Variants in MERTK observed in about 807,000 individuals in gnomAD.
The protein encoded by MERTK is tyrosine-protein kinase Mer.
A neutral mutation model predicts 99.3 loss-of-function variants in MERTK; 69 were observed. The ratio of observed to expected loss-of-function variants is 0.70; its 90% CI spans 0.57 to 0.85. The LOEUF is 0.85. Among genes scored for constraint, MERTK ranks in the 40% least tolerant of loss-of-function variants. The pLI is 0.00. For missense variants in MERTK, 1,125 were observed against 1,249.4 expected, an observed-to-expected ratio of 0.90 and a Z score of 1.50; for synonymous variants, 426 against 467.6, an observed-to-expected ratio of 0.91 and a Z score of 1.15.
chr2:111,968,845 C>T (rs1676015133), intron 6 of MERTK, among the ~76,000 whole-genome samples: 1 of 152,118 alleles, frequency 6.6e-6, no homozygotes, highest in South Asian at 2.1e-4. Context: ...AGGGAGAGTT[C>T]ATTTTTAAGG....
Position 111,898,670 on chromosome 2 carries a change from A to C in MERTK, c.-66A>C. 2.6e-6 allele frequency: 4 copies of C among 1,548,120 alleles called. No individual in the cohort carries two copies. The highest frequency in any genetic ancestry group is 3.5e-6 in the Non-Finnish European group (4 of 1,139,140). ...TTCGCTGGCGCGCTTGGCCGGCGAC[A>C]GGACAGGTTCGGGACGTCCATCTGT... On this transcript the variant is annotated 5_prime_UTR_variant, in exon 1 of 19. Transcript: ENST00000295408.
intron 13 of MERTK, among the ~76,000 whole-genome samples, chr2:112,006,151 G>T (rs1202404410): frequency 6.6e-6 from 1 of 152,118 alleles, no homozygotes; most frequent in Non-Finnish European, 1.5e-5. Flanking sequence ...CAAAGTGCTG[G>T]GATTACAGCC....
Position 112,007,258 on chromosome 2 carries a change from C to T in MERTK, c.1868-1125C>T, listed in dbSNP as rs1322862692. On this transcript the variant is annotated intron_variant, in intron 13 of 18. Coordinates refer to ENST00000295408, the MANE Select transcript of MERTK (RefSeq NM_006343.3). ...CAAACTCCGCCTCCCGGATTCAGGC[C>T]ATTCTCTTGCCTCAGCCTCACAAGT... Among the ~76,000 whole-genome samples the T allele has an allele frequency of 3.9e-5, 6 of 152,280 alleles. No individual in the cohort carries two copies. The East Asian group carries it at 1.2e-3, about 29-fold the overall frequency.
intron 15 of MERTK, among the ~76,000 whole-genome samples, chr2:112,017,403 G>T (rs150222441): frequency 1.2e-3 from 190 of 152,262 alleles, no homozygotes; most frequent in African/African-American, 4.5e-3. Flanking sequence ...AGAAAGTCCA[G>T]CTGGCTTCAC....
intron 2 of MERTK, among the ~76,000 whole-genome samples, chr2:111,942,061 T>G (rs1031280464): frequency 6.6e-6 from 1 of 152,208 alleles, no homozygotes. Context: ...GCTGCCTTCC[T>G]GGGGCTGTGC....
chr2:111,995,443 A>G (rs77702371), intron 9 of MERTK: 42,580 of 188,346 alleles, frequency 0.23, 5,575 homozygotes, highest in South Asian at 0.33. Flanking sequence ...GTTTTTGCCA[A>G]ACATGACCTT....
At position 112,021,483 on chromosome 2, in the gene MERTK, G is replaced by A. The variant is rs1398943681; in HGVS notation, c.2251G>A (p.Gly751Ser). 1.9e-6 allele frequency: 3 copies of A among 1,613,848 alleles called. No individual in the cohort carries two copies. Among genetic ancestry groups the A allele is most frequent in the Non-Finnish European group, 2.5e-6 (3 of 1,179,880 alleles). ...DFGLSKKIYS[G>S]DYYRQGRIAK... ...CGGCCTCTCTAAGAAGATTTACAGT[G>A]GCGATTATTACCGCCAAGGCCGCAT... Residue 751 changes from glycine to serine, a missense_variant, in exon 17 of 19, where the codon GGC becomes AGC. Physicochemically the swap from Gly to Ser is moderately conservative, Grantham distance 56 (BLOSUM62 0). Coordinates refer to ENST00000295408, the MANE Select transcript of MERTK (RefSeq NM_006343.3).
In MERTK at chr2:112,029,339, T is replaced by C. The variant is rs891782656; in HGVS notation, c.*475T>C. On this transcript the variant is annotated 3_prime_UTR_variant, in exon 19 of 19. Transcript: ENST00000295408. ...TGTATAACTGATTAATTTTCTGATA[T>C]GGCTTCCTAATAAAATATGAATAAG... 6.4e-6 allele frequency: 6 copies of C among 941,340 alleles called. No individual in the cohort carries two copies. Among genetic ancestry groups the C allele is most frequent in the South Asian group, 4.8e-5 (1 of 20,626 alleles). The allele number at this position is 941,340 out of a possible 1,614,324, so 58.3% of individuals were successfully genotyped here.
chr2:111,907,084 A>T (rs1684150939), intron 1 of MERTK, among the ~76,000 whole-genome samples: 1 of 152,164 alleles, frequency 6.6e-6, no homozygotes, highest in African/African-American at 2.4e-5. Context: ...ATCAGCCCAG[A>T]AACGGAGATG....
rs1254791917 is a variant in MERTK at position 112,029,048 on chromosome 2, G to GA, written c.*190dup. The GA allele has an allele frequency of 8.1e-6, 11 of 1,350,826 alleles. 1 individual carries two copies. In the South Asian group the frequency reaches 9.6e-5, roughly 12 times the overall value. The allele number at this position is 1,350,826 out of a possible 1,614,324, so 83.7% of individuals were successfully genotyped here. On this transcript the variant is annotated 3_prime_UTR_variant, in exon 19 of 19. Transcript: ENST00000295408. ...TACATAATATATATTTATTTAAAGAGAAAAAATATGTGTATATCATGGAAA... is the reference window on the plus strand; with the variant it reads ...TACATAATATATATTTATTTAAAGAGAAAAAAATATGTGTATATCATGGAAA...
At chr2:111,965,377 C>T (rs1431243839) in intron 5 of MERTK, 100 bp downstream of exon 5, 2 of 1,124,018 alleles carry the variant, frequency 1.8e-6, no homozygotes, top group East Asian at 5.0e-5. Context: ...CTGGCTTTCT[C>T]ACTGTCTCAA....
At chr2:111,970,937 T>G (rs1676108543) in intron 6 of MERTK, among the ~76,000 whole-genome samples, 1 of 152,078 alleles carries the variant, frequency 6.6e-6, no homozygotes, top group East Asian at 1.9e-4. Flanking sequence ...TCTTTAAATA[T>G]TTAATAAAAT....
intron 15 of MERTK, among the ~76,000 whole-genome samples, chr2:112,012,307 C>G (rs1014191732): frequency 2.1e-5 from 2 of 94,772 alleles, no homozygotes; most frequent in Non-Finnish European, 2.4e-5. Flanking sequence ...ACTTCCCCCC[C>G]ACCCCCACAC....
chr2:111,945,840 T>G (rs1684952368), intron 3 of MERTK, among the ~76,000 whole-genome samples: 1 of 152,218 alleles, frequency 6.6e-6, no homozygotes, highest in South Asian at 2.1e-4. Flanking sequence ...TCACTACCCC[T>G]GGGGGCTTCC....
rs574651945 is a variant in MERTK, at chr2:111,966,085, T to C, written c.844+808T>C. On this transcript the variant is annotated intron_variant, in intron 5 of 18. Coordinates refer to ENST00000295408, the MANE Select transcript of MERTK (RefSeq NM_006343.3). ...TCATTTTAAATCATCCTCCTTAGTG[T>C]GTCATAGAAATTCAAGCAAATTTTA... Among the ~76,000 whole-genome samples the C allele has an allele frequency of 2.6e-5, 4 of 152,364 alleles. No homozygotes were observed. The South Asian group carries it at 8.3e-4, about 32-fold the overall frequency.
intron 16 of MERTK, 44 bp downstream of exon 16, chr2:112,019,566 G>C: frequency 1.4e-6 from 2 of 1,458,180 alleles, no homozygotes; most frequent in Non-Finnish European, 1.9e-6. Context: ...ACCTCATGGT[G>C]TTTGGTCTTT....
chr2:111,940,304 A>C (rs773858213), intron 2 of MERTK: 1 of 466,036 alleles, frequency 2.1e-6, no homozygotes, highest in Admixed American at 2.7e-5. Context: ...TAAAGTGTTC[A>C]TCTTCCAACT....
intron 4 of MERTK, among the ~76,000 whole-genome samples, chr2:111,961,578 A>G (rs1003834659): frequency 6.6e-6 from 1 of 152,176 alleles, no homozygotes; most frequent in Non-Finnish European, 1.5e-5. Context: ...AATCCTCTCC[A>G]TAATACCATG....
At chr2:111,985,393 C>T (rs1676455216) in intron 8 of MERTK, among the ~76,000 whole-genome samples, 1 of 152,246 alleles carries the variant, frequency 6.6e-6, no homozygotes, top group South Asian at 2.1e-4. Context: ...TGACACAGAA[C>T]ATCCGTGGAA....
Sources: gnomAD v4.1 joint callset for allele counts (sites outside exome capture counted in the v4.1 genomes callset) on GRCh38, gnomAD v4.1.1 for gene constraint, MANE v1.5 for transcripts, NCBI Gene and HGNC (gene_info 2026-07-23, HGNC 2026-07-21) for gene names.